Variants in GPC6 observed in about 807,000 individuals in gnomAD.
GPC6 encodes the protein glypican-6.
A neutral mutation model predicts 55.2 loss-of-function variants in GPC6; 14 were observed. The observed-to-expected ratio is 0.25, with a 90% confidence interval of 0.17 to 0.40. The LOEUF is 0.40. GPC6 is among the 10% of genes least tolerant of loss of function. GPC6 has a pLI of 1.00. For missense variants in GPC6, 641 were observed against 708.5 expected, an observed-to-expected ratio of 0.90 and a Z score of 1.08; for synonymous variants, 278 against 259.6, an observed-to-expected ratio of 1.07 and a Z score of -0.68.
chr13:94,066,621 T>G (rs1281705050), intron 4 of GPC6, among the ~76,000 whole-genome samples: 1 of 152,170 alleles, frequency 6.6e-6, no homozygotes, highest in Non-Finnish European at 1.5e-5. Flanking sequence ...TTCTCCATGC[T>G]CTATGGAGAT....
intron 1 of GPC6, among the ~76,000 whole-genome samples, chr13:93,521,780 T>C: frequency 6.6e-6 from 1 of 152,006 alleles, no homozygotes; most frequent in Non-Finnish European, 1.5e-5. Context: ...GCTATGTGTT[T>C]AAAATAATGA....
intron 1 of GPC6, among the ~76,000 whole-genome samples, chr13:93,277,553 T>A (rs1044793221): frequency 6.6e-6 from 1 of 152,184 alleles, no homozygotes; most frequent in Non-Finnish European, 1.5e-5. Context: ...TATAACCCAA[T>A]TCCTCAAATC....
intron 2 of GPC6, among the ~76,000 whole-genome samples, chr13:93,733,220 A>G (rs141019577): frequency 2.0e-5 from 3 of 152,284 alleles, no homozygotes; most frequent in Non-Finnish European, 4.4e-5. Context: ...TGAAAGAATC[A>G]TCTGATAATG....
At chr13:94,337,650 G>T (rs1253121341) in intron 6 of GPC6, among the ~76,000 whole-genome samples, 2 of 152,064 alleles carry the variant, frequency 1.3e-5, no homozygotes, top group Non-Finnish European at 2.9e-5. Flanking sequence ...GTTTCATCAT[G>T]TTGGCCAGGC....
intron 6 of GPC6, among the ~76,000 whole-genome samples, chr13:94,339,366 T>G (rs77548262): frequency 0.011 from 1,704 of 152,292 alleles, 29 homozygotes; most frequent in African/African-American, 0.039. Flanking sequence ...ACCCGGCCTA[T>G]TTTAGGAGTT....
chr13:93,382,856 T>A (rs1057175557), intron 1 of GPC6, among the ~76,000 whole-genome samples: 1 of 152,216 alleles, frequency 6.6e-6, no homozygotes, highest in African/African-American at 2.4e-5. Context: ...CCTACTTCCC[T>A]AAAGCAATAT....
At chr13:93,771,727 AT>A (rs200280711) in intron 2 of GPC6, among the ~76,000 whole-genome samples, 3,010 of 150,408 alleles carry the variant, frequency 0.02, 49 homozygotes, top group Middle Eastern at 0.034. Flanking sequence ...TATAATAATA[AT>A]AAAAAAAGTC....
At chr13:93,298,972 T>C (rs1321300512) in intron 1 of GPC6, among the ~76,000 whole-genome samples, 1 of 151,984 alleles carries the variant, frequency 6.6e-6, no homozygotes, top group Non-Finnish European at 1.5e-5. Context: ...GTTACTTGCA[T>C]CTATTAGATT....
intron 1 of GPC6, among the ~76,000 whole-genome samples, chr13:93,493,906 GT>G (rs1880142621): frequency 9.1e-6 from 1 of 110,404 alleles, no homozygotes; most frequent in African/African-American, 3.3e-5. Flanking sequence ...TATAATTTCT[GT>G]TCTTTTACAT....
Position 94,382,453 on chromosome 13 carries a change from G to A in GPC6, c.1192G>A (p.Val398Ile). 5.0e-6 allele frequency: 8 copies of A among 1,614,088 alleles called. No homozygotes were observed. Among genetic ancestry groups the A allele is most frequent in the Non-Finnish European group, 6.8e-6 (8 of 1,179,956 alleles). Residue 398 changes from valine (V) to isoleucine (I), a missense_variant, in exon 7 of 9, where the codon GTC (valine) becomes ATC (isoleucine). Physicochemically the swap from Val to Ile is conservative, Grantham distance 29. Transcript: ENST00000377047. ...IKEKLKLSKK[V>I]WSALPYTICK... ...AGAGAAATTGAAGCTCTCTAAAAAG[G>A]TCTGGTCAGCATTACCCTACACTAT...
chr13:94,205,784 C>A (rs951836550), intron 4 of GPC6, among the ~76,000 whole-genome samples: 1 of 152,154 alleles, frequency 6.6e-6, no homozygotes, highest in African/African-American at 2.4e-5. Context: ...AAGAGTATTT[C>A]AACTGTAAAT....
chr13:93,390,725 A>G (rs937082693), intron 1 of GPC6, among the ~76,000 whole-genome samples: 5 of 152,004 alleles, frequency 3.3e-5, no homozygotes, highest in Non-Finnish European at 5.9e-5. Context: ...TATGTGTCCA[A>G]AATATGTTTG....
chr13:93,248,653 G>T (rs375077095), intron 1 of GPC6, among the ~76,000 whole-genome samples: 2 of 152,282 alleles, frequency 1.3e-5, no homozygotes, highest in East Asian at 3.9e-4. Flanking sequence ...GTACTGAGCT[G>T]CTCATTACCT....
At chr13:94,244,393 C>G (rs960147922) in intron 4 of GPC6, among the ~76,000 whole-genome samples, 2 of 152,064 alleles carry the variant, frequency 1.3e-5, no homozygotes, top group Non-Finnish European at 2.9e-5. Flanking sequence ...TCAGTTTCAC[C>G]ACCTGTGAAG....
intron 1 of GPC6, among the ~76,000 whole-genome samples, chr13:93,501,067 G>A (rs1002007225): frequency 1.3e-5 from 2 of 152,054 alleles, no homozygotes; most frequent in Non-Finnish European, 2.9e-5. Context: ...CTAAATATTT[G>A]TAAATTTTCC....
At chr13:93,275,350 C>T (rs191279503) in intron 1 of GPC6, among the ~76,000 whole-genome samples, 7 of 152,190 alleles carry the variant, frequency 4.6e-5, no homozygotes, top group Admixed American at 6.5e-5. Flanking sequence ...TTAGACCTTA[C>T]GGAATTTTAT....
At chr13:93,779,163 G>T (rs761589488) in intron 2 of GPC6, among the ~76,000 whole-genome samples, 1 of 152,060 alleles carries the variant, frequency 6.6e-6, no homozygotes, top group Non-Finnish European at 1.5e-5. Context: ...GCCTATTCGT[G>T]TGTGTTTCTC....
At chr13:94,294,364 G>C (rs1357507562) in intron 5 of GPC6, among the ~76,000 whole-genome samples, 1 of 149,396 alleles carries the variant, frequency 6.7e-6, no homozygotes, top group African/African-American at 2.5e-5. Context: ...ACCCATTAAA[G>C]ATGAGCAGGA....
At chr13:94,028,090 T>G (rs928187515) in intron 4 of GPC6, among the ~76,000 whole-genome samples, 196 bp downstream of exon 4, 33 of 151,976 alleles carry the variant, frequency 2.2e-4, no homozygotes, top group African/African-American at 5.6e-4. Flanking sequence ...CATAGTGAGA[T>G]TCCCATCTTT....
Sources: allele counts gnomAD v4.1 joint callset (sites outside exome capture counted in the v4.1 genomes callset), GRCh38; gene constraint gnomAD v4.1.1; transcripts MANE v1.5; gene names NCBI Gene and HGNC (gene_info 2026-07-23, HGNC 2026-07-21).